The following ELFN1 variants were observed in gnomAD, a reference collection of about 807,000 sequenced individuals.
ELFN1 encodes the protein extracellular leucine rich repeat and fibronectin type III domain containing 1.
Under a neutral mutation model 7.6 loss-of-function variants are expected in ELFN1, and 6 were observed. The ratio of observed to expected loss-of-function variants is 0.79; its 90% confidence interval spans 0.43 to 1.56. The LOEUF (loss-of-function observed/expected upper bound fraction) is 1.56. Ranked by LOEUF, ELFN1 falls within the 40% of genes most tolerant of loss-of-function variation. ELFN1 has a pLI of 0.01. For synonymous variants in ELFN1, 657 were observed against 588.1 expected (o/e 1.12, Z -1.70); for missense variants, 1,169 against 1,232.2 (o/e 0.95, Z 0.77).
At chr7:1,690,066 T>C (rs555487788) in intron 2 of ELFN1, among the ~76,000 whole-genome samples, 4 of 152,318 alleles carry the variant, frequency 2.6e-5, no homozygotes, top group Admixed American at 2.6e-4. Flanking sequence ...GATGAATGTA[T>C]ACATGGATGG....
At chr7:1,741,336 G>A (rs146113897) in intron 3 of ELFN1, among the ~76,000 whole-genome samples, 1 of 152,162 alleles carries the variant, frequency 6.6e-6, no homozygotes, top group African/African-American at 2.4e-5. Context: ...GGCTGGGGGT[G>A]GGGGGAGGAC....
At chr7:1,710,744 G>A (rs985937435) in intron 3 of ELFN1, among the ~76,000 whole-genome samples, 8 of 152,234 alleles carry the variant, frequency 5.3e-5, no homozygotes, top group Non-Finnish European at 1.0e-4. Context: ...GGGGTCCCCA[G>A]GGCAGGCTGC....
Position 1,705,302 on chromosome 7 carries a change from C to T in ELFN1, c.-455-3789C>T, listed in dbSNP as rs1779508584. The stretch of plus-strand genomic sequence containing the variant: ...CTAAACAATCATTGCACAAAATATG[C>T]AAATGGTATAATTACTGTTATTTGT... On this transcript the variant is annotated intron_variant, in intron 2 of 3. Coordinates refer to ENST00000424383, the MANE Select transcript of ELFN1 (RefSeq NM_001128636.4). This position sits in a 1 kb window ranked among gnomAD's most constrained non-coding sequence, Gnocchi z 4.3. 6.6e-6 allele frequency among the ~76,000 whole-genome samples: 1 copy of T among 152,230 alleles called. No homozygotes were observed. Among genetic ancestry groups the T allele is most frequent in the Non-Finnish European group, 1.5e-5 (1 of 68,032 alleles).
upstream of ELFN1, among the ~76,000 whole-genome samples, chr7:1,666,159 AC>A (rs1381594440): frequency 6.6e-6 from 1 of 151,534 alleles, no homozygotes; most frequent in South Asian, 2.1e-4. This position sits in a 1 kb window ranked among gnomAD's most constrained non-coding sequence, Gnocchi z 7.9. Context: ...CGGGGCCCGC[AC>A]CCCGGCCCAG....
chr7:1,680,101 A>G (rs1023236139), intron 1 of ELFN1, among the ~76,000 whole-genome samples: 24 of 152,216 alleles, frequency 1.6e-4, no homozygotes, highest in African/African-American at 5.8e-4. Context: ...CCCAGTGGAC[A>G]TTCTCCGATG....
In ELFN1 at chr7:1,689,811, A is replaced by G. The variant is rs568532639; in HGVS notation, c.-456+1661A>G. On this transcript the variant is annotated intron_variant, in intron 2 of 3. Coordinates refer to ENST00000424383, the MANE Select transcript of ELFN1 (RefSeq NM_001128636.4). ...TTCACACCTTCCTGAAGCAGAGCCAATGGGGAGTCCTCTGGTTCTTTAGCT... is the reference window on the plus strand; with the variant it reads ...TTCACACCTTCCTGAAGCAGAGCCAGTGGGGAGTCCTCTGGTTCTTTAGCT... Among the ~76,000 whole-genome samples the G allele has an allele frequency of 1.2e-3, 186 of 152,270 alleles. 10 individuals carry two copies. The highest frequency in any genetic ancestry group is 6.8e-3 in the Middle Eastern group (2 of 294).
chr7:1,676,071 C>T (rs1367453386), intron 1 of ELFN1, among the ~76,000 whole-genome samples: 1 of 152,156 alleles, frequency 6.6e-6, no homozygotes. Flanking sequence ...GCTTCCCGGA[C>T]ATGTCTGGAA....
Position 1,746,137 on chromosome 7 carries a change from G to A in ELFN1, c.1541G>A (p.Ser514Asn). Residue 514 changes from serine (S) to asparagine (N), a missense_variant, in exon 4 of 4, where the codon AGC becomes AAC. Physicochemically the swap from Ser to Asn is conservative, Grantham distance 46. This residue lies in a region of ELFN1 where 914 missense variants were observed against 872.6 expected (regional missense o/e 1.05). Coordinates refer to ENST00000424383, the MANE Select transcript of ELFN1 (RefSeq NM_001128636.4). Reference sequence around the variant, plus strand: ...GTGGAGCAGTACAAGCTGGTGGAGAGCGCGGACACCCCCAAGGCCAGCAAG... The same window carrying A: ...GTGGAGCAGTACAAGCTGGTGGAGAACGCGGACACCCCCAAGGCCAGCAAG... ...GEVEQYKLVE[S>N]ADTPKASKGS... is the part of the protein sequence containing the mutation. The A allele has an allele frequency of 6.5e-7, 1 of 1,548,324 alleles. No individual in the cohort carries two copies. Among genetic ancestry groups the A allele is most frequent in the Non-Finnish European group, 8.7e-7 (1 of 1,145,728 alleles).
chr7:1,715,737 G>A (rs1284892351), intron 3 of ELFN1, among the ~76,000 whole-genome samples: 4 of 152,144 alleles, frequency 2.6e-5, no homozygotes, highest in African/African-American at 9.7e-5. Context: ...AGAAGGCGTG[G>A]CTGCAGATGC....
chr7:1,691,845 A>C (rs1779171241), intron 2 of ELFN1: 1 of 152,280 alleles, frequency 6.6e-6, no homozygotes. Flanking sequence ...ATGGACCTTC[A>C]CAGCTCATTA....
chr7:1,703,017 G>A (rs528948037), intron 2 of ELFN1, among the ~76,000 whole-genome samples: 11 of 152,306 alleles, frequency 7.2e-5, no homozygotes, highest in East Asian at 3.9e-4. Context: ...CACCACAACC[G>A]TGCCAGCACT....
chr7:1,733,720 C>T (rs185194973), intron 3 of ELFN1, among the ~76,000 whole-genome samples: 51 of 152,258 alleles, frequency 3.3e-4, no homozygotes, highest in African/African-American at 1.1e-3. Flanking sequence ...CTAACCTTCA[C>T]CCCAAAACCA....
At chr7:1,667,020 C>T (rs1181141586), upstream of ELFN1, among the ~76,000 whole-genome samples, 3 of 152,026 alleles carry the variant, frequency 2.0e-5, no homozygotes, top group African/African-American at 7.2e-5. This position sits in a 1 kb window ranked among gnomAD's most constrained non-coding sequence, Gnocchi z 8.2. Context: ...GGGGCGGGAC[C>T]CCGGGGCCCA....
At chr7:1,682,153 G>A (rs1305712523) in intron 1 of ELFN1, among the ~76,000 whole-genome samples, 3 of 152,050 alleles carry the variant, frequency 2.0e-5, no homozygotes, top group Admixed American at 1.3e-4. Context: ...TATGGAGCAT[G>A]TTTTGGGTGT....
intron 2 of ELFN1, among the ~76,000 whole-genome samples, chr7:1,688,590 C>T (rs559445468): frequency 7.9e-5 from 12 of 152,308 alleles, no homozygotes; most frequent in African/African-American, 2.4e-4. Context: ...AAAATACCAT[C>T]CATTTTCAAT....
chr7:1,717,340 T>C (rs967714396), intron 3 of ELFN1, among the ~76,000 whole-genome samples: 2 of 152,200 alleles, frequency 1.3e-5, no homozygotes, highest in Non-Finnish European at 2.9e-5. Context: ...TATCCTGGCC[T>C]GGCCGCTTGC....
At chr7:1,734,210 C>T (rs560490429) in intron 3 of ELFN1, among the ~76,000 whole-genome samples, 8 of 152,200 alleles carry the variant, frequency 5.3e-5, no homozygotes, top group Middle Eastern at 3.4e-3. Context: ...ATAAGTGATG[C>T]GCTTTCTGAC....
upstream of ELFN1, among the ~76,000 whole-genome samples, chr7:1,668,170 C>T (rs1315120226): frequency 2.6e-5 from 4 of 152,246 alleles, no homozygotes; most frequent in Non-Finnish European, 5.9e-5. Context: ...GGATCTCAGA[C>T]CCCGAGTGAC....
intron 3 of ELFN1, among the ~76,000 whole-genome samples, chr7:1,714,567 A>G (rs750148950): frequency 6.6e-6 from 1 of 152,248 alleles, no homozygotes; most frequent in Non-Finnish European, 1.5e-5. Flanking sequence ...AGTGGAAACA[A>G]AACAATGTTA....
Sources: gnomAD v4.1 joint callset for allele counts (sites outside exome capture counted in the v4.1 genomes callset) on GRCh38, gnomAD v4.1.1 for gene constraint, gnomAD v4.1.1 regional missense constraint, Gnocchi (gnomAD v3.1) non-coding constraint, MANE v1.5 for transcripts, NCBI Gene and HGNC (gene_info 2026-07-23, HGNC 2026-07-21) for gene names.